Variants in RNF170 observed in about 807,000 individuals in gnomAD.
The protein encoded by RNF170 is ring finger protein 170, also known as E3 ubiquitin-protein ligase RNF170.
RNF170 carries 12 observed loss-of-function variants against 32.7 expected under a neutral mutation model. That is an observed-to-expected ratio of 0.37 (90% CI 0.24 to 0.60). The LOEUF is 0.60. Among genes scored for constraint, RNF170 ranks in the 20% least tolerant of loss-of-function variants. RNF170 has a pLI of 0.72. For missense variants in RNF170, 212 were observed against 311.2 expected (o/e 0.68, Z 2.40); for synonymous variants, 91 against 103.6 (o/e 0.88, Z 0.74).
downstream of RNF170, chr8:42,850,547 T>TGG: frequency 3.6e-6 from 2 of 552,434 alleles, no homozygotes; most frequent in East Asian, 6.4e-5. Flanking sequence ...ACTACTGTGG[T>TGG]GGCAGGCATA....
chr8:42,853,444 T>G lies in RNF170; in HGVS notation c.*2715A>C, dbSNP rs1161186809. The G allele has an allele frequency of 7.8e-7, 1 of 1,287,182 alleles. No homozygotes were observed. Among genetic ancestry groups the G allele is most frequent in the Admixed American group, 2.3e-5 (1 of 43,548 alleles). The allele number at this position is 1,287,182 out of a possible 1,614,324, so 79.7% of individuals were successfully genotyped here. A position where few individuals can be genotyped will look rare whatever the true frequency, so the allele number is the denominator to read the frequency against. ...AGCCACAAGGGATCCACATAGTCCT[T>G]TCTTCCCTTGTACCTCTCAAACACT... is the stretch of plus-strand genomic sequence containing the variant. On this transcript the variant is annotated 3_prime_UTR_variant, in exon 7 of 7. Transcript: ENST00000527424.
chr8:42,883,989 T>C lies in RNF170; in HGVS notation c.137+3739A>G, dbSNP rs186023280. ...TATGTAACTTGAAAAGATGTCACTG[T>C]AGGCTGAGTAAAAATTTCATCATTT... On this transcript the variant is annotated intron_variant, in intron 2 of 6. Coordinates refer to ENST00000527424, the MANE Select transcript of RNF170 (RefSeq NM_030954.4). Among the ~76,000 whole-genome samples the C allele has an allele frequency of 1.1e-3, 161 of 152,332 alleles. 1 individual carries two copies. In the South Asian group the frequency reaches 0.02, roughly 19 times the overall value.
At position 42,855,530 on chromosome 8, in the gene RNF170, T is replaced by C; in HGVS notation, c.*629A>G. ...CCGGCCATGTTTTTCATCTTAATTCTTCTATTGATTAAAATGTGTTCTGTA... is the reference window on the plus strand; with the variant it reads ...CCGGCCATGTTTTTCATCTTAATTCCTCTATTGATTAAAATGTGTTCTGTA... On this transcript the variant is annotated 3_prime_UTR_variant, in exon 7 of 7. Transcript: ENST00000527424. 1.6e-6 allele frequency: 2 copies of C among 1,283,236 alleles called. No individual in the cohort carries two copies. Among genetic ancestry groups the C allele is most frequent in the Non-Finnish European group, 2.0e-6 (2 of 984,818 alleles). 79.5% of individuals were successfully genotyped at this position (1,283,236 alleles called of 1,614,324 possible). A position where few individuals can be genotyped will look rare whatever the true frequency, so the allele number is the denominator to read the frequency against.
At chr8:42,867,795 A>G (rs1246878304) in intron 4 of RNF170, among the ~76,000 whole-genome samples, 18 of 150,644 alleles carry the variant, frequency 1.2e-4, no homozygotes, top group African/African-American at 4.1e-4. Context: ...AAAAAAAAAA[A>G]AAAAGAAAAA....
chr8:42,851,095 A>C (rs1056067022), downstream of RNF170: 58 of 1,496,090 alleles, frequency 3.9e-5, no homozygotes, highest in Non-Finnish European at 4.5e-5. Flanking sequence ...TGCTTCTTCA[A>C]CCTCACTTCA....
chr8:42,858,526 T>C (rs991306909), intron 6 of RNF170, among the ~76,000 whole-genome samples: 1 of 152,324 alleles, frequency 6.6e-6, no homozygotes, highest in Admixed American at 6.5e-5. Flanking sequence ...CTTACCCTTA[T>C]GAAGCTTTTA....
chr8:42,860,782 A>AT (rs2128925757), intron 6 of RNF170, among the ~76,000 whole-genome samples: 1 of 151,778 alleles, frequency 6.6e-6, no homozygotes, highest in East Asian at 1.9e-4. Context: ...CAGTGGCGTG[A>AT]TATCGGCTCA....
At chr8:42,870,841 C>T (rs1243149355) in intron 3 of RNF170, among the ~76,000 whole-genome samples, 2 of 152,172 alleles carry the variant, frequency 1.3e-5, no homozygotes, top group African/African-American at 4.8e-5. Flanking sequence ...ATCTAGATAT[C>T]AAAGACCTCA....
intron 5 of RNF170, among the ~76,000 whole-genome samples, chr8:42,863,980 A>AGAGAGTGTGTGTGTGT (rs149654513): frequency 2.9e-5 from 4 of 139,512 alleles, no homozygotes; most frequent in African/African-American, 1.1e-4. Flanking sequence ...AGAGAGAGAG[A>AGAGAGTGTGTGTGTGT]GTGTGTGTGT....
At chr8:42,879,996 G>A (rs1805255105) in intron 2 of RNF170, among the ~76,000 whole-genome samples, 1 of 152,186 alleles carries the variant, frequency 6.6e-6, no homozygotes, top group South Asian at 2.1e-4. Context: ...TAATTCATGG[G>A]AGGAGATCAA....
In RNF170 at chr8:42,870,006, C is replaced by CA. The variant is rs1804404398; in HGVS notation, c.319dup (p.Cys107LeufsTer24). On this transcript the variant is annotated frameshift_variant, in exon 4 of 7. Coordinates refer to ENST00000527424, the MANE Select transcript of RNF170 (RefSeq NM_030954.4). LOFTEE classifies it high-confidence loss of function. Reference sequence around the variant, plus strand: ...CAAGTATAGCGTTGTTTGCTTACCACAAAAAAGATGTCCACAGTTGGTCTC... The same window carrying CA: ...CAAGTATAGCGTTGTTTGCTTACCACAAAAAAAGATGTCCACAGTTGGTCTC... 1 of 1,611,406 alleles carries CA rather than the reference C, an allele frequency of 6.2e-7. No homozygotes were observed. The highest frequency in any genetic ancestry group is 1.1e-5 in the South Asian group (1 of 91,034).
Position 42,865,593 on chromosome 8 carries a change from A to G in RNF170, c.323-104T>C, listed in dbSNP as rs145659986. 2,102 of 874,276 alleles carry G rather than the reference A, an allele frequency of 2.4e-3. 9 individuals carry two copies. Among genetic ancestry groups the G allele is most frequent in the Non-Finnish European group, 3.4e-3 (1,753 of 516,306 alleles). 54.2% of individuals were successfully genotyped at this position (874,276 alleles called of 1,614,324 possible). A position where few individuals can be genotyped will look rare whatever the true frequency, so the allele number is the denominator to read the frequency against. On this transcript the variant is annotated intron_variant, in intron 4 of 6. Transcript: ENST00000527424. The stretch of plus-strand genomic sequence containing the variant: ...CTATTTGAAATATTTTAACAGTACC[A>G]CGTTATTTAAAAATACCTTTTACTT...
At chr8:42,883,623 T>G (rs183122361) in intron 2 of RNF170, among the ~76,000 whole-genome samples, 126 of 134,568 alleles carry the variant, frequency 9.4e-4, no homozygotes, top group African/African-American at 3.3e-3. Context: ...ATCACACCTA[T>G]AATCCCAGCA....
chr8:42,885,422 C>T (rs559487479), intron 2 of RNF170, among the ~76,000 whole-genome samples: 2 of 152,212 alleles, frequency 1.3e-5, no homozygotes, highest in South Asian at 2.1e-4. Context: ...TATATACTAC[C>T]CTGAAGTGTG....
chr8:42,888,020 G>T, intron 1 of RNF170, 149 bp from the exon 2 acceptor site: 1 of 712,742 alleles, frequency 1.4e-6, no homozygotes. Flanking sequence ...GACTGATGGA[G>T]TTCTTTAAAA....
In RNF170 at chr8:42,855,613, T is replaced by A. The variant is rs1295190622; in HGVS notation, c.*546A>T. On this transcript the variant is annotated 3_prime_UTR_variant, in exon 7 of 7. Coordinates refer to ENST00000527424, the MANE Select transcript of RNF170 (RefSeq NM_030954.4). ...AGTTTCTTCTTTCAGTTTCAGCTGA[T>A]AGCAAATAATTAATTATACCAGAAT... 42 of 1,279,498 alleles carry A rather than the reference T, an allele frequency of 3.3e-5. No individual in the cohort carries two copies. Among genetic ancestry groups the A allele is most frequent in the Non-Finnish European group, 4.3e-5 (42 of 981,504 alleles). The allele number at this position is 1,279,498 out of a possible 1,614,324, so 79.3% of individuals were successfully genotyped here. A position where few individuals can be genotyped will look rare whatever the true frequency, so the allele number is the denominator to read the frequency against.
Position 42,853,431 on chromosome 8 carries a change from T to C in RNF170, c.*2728A>G. 7.8e-7 allele frequency: 1 copy of C among 1,287,154 alleles called. No homozygotes were observed. Among genetic ancestry groups the C allele is most frequent in the Non-Finnish European group, 1.0e-6 (1 of 988,658 alleles). The allele number at this position is 1,287,154 out of a possible 1,614,324, so 79.7% of individuals were successfully genotyped here. On this transcript the variant is annotated 3_prime_UTR_variant, in exon 7 of 7. Coordinates refer to ENST00000527424, the MANE Select transcript of RNF170 (RefSeq NM_030954.4). ...TAGGTATCTGCATAGCCACAAGGGA[T>C]CCACATAGTCCTTTCTTCCCTTGTA...
intron 4 of RNF170, among the ~76,000 whole-genome samples, chr8:42,866,465 C>T (rs917864567): frequency 2.0e-5 from 3 of 151,732 alleles, no homozygotes; most frequent in African/African-American, 7.3e-5. Flanking sequence ...GCAAGGAGAT[C>T]CCAGCTACTT....
At position 42,854,061 on chromosome 8, in the gene RNF170, A is replaced by T; in HGVS notation, c.*2098T>A. ...CAGTCTGGTACATGGCAGTGTGACA[A>T]ACTCCTACTCACTCGCTTTTCAAGT... On this transcript the variant is annotated 3_prime_UTR_variant, in exon 7 of 7. Coordinates refer to ENST00000527424, the MANE Select transcript of RNF170 (RefSeq NM_030954.4). 7.8e-7 allele frequency: 1 copy of T among 1,287,220 alleles called. No homozygotes were observed. Among genetic ancestry groups the T allele is most frequent in the African/African-American group, 1.5e-5 (1 of 65,918 alleles). 79.7% of individuals were successfully genotyped at this position (1,287,220 alleles called of 1,614,324 possible).
Sources: allele counts gnomAD v4.1 joint callset (sites outside exome capture counted in the v4.1 genomes callset), GRCh38; gene constraint gnomAD v4.1.1; transcripts MANE v1.5; gene names NCBI Gene and HGNC (gene_info 2026-07-23, HGNC 2026-07-21).